DLEU7: variants seen among roughly 807,000 people sequenced by gnomAD.
DLEU7 encodes leukemia-associated protein 7.
DLEU7 carries 17 observed loss-of-function variants against 16.0 expected under a neutral mutation model. The observed-to-expected ratio is 1.06, with a 90% CI of 0.73 to 1.59. DLEU7 has a LOEUF of 1.59. DLEU7 is among the 40% of genes most tolerant of loss of function. The probability of loss-of-function intolerance (pLI) is 0.00; values close to 1 mark genes in which losing one functional copy is unlikely to be tolerated. For missense variants in DLEU7, 308 were observed against 314.9 expected, an observed-to-expected ratio of 0.98 and a Z score of 0.17; for synonymous variants, 113 against 139.8, an observed-to-expected ratio of 0.81 and a Z score of 1.35.
intron 1 of DLEU7, among the ~76,000 whole-genome samples, chr13:50,836,531 A>C (rs758877293): frequency 1.3e-5 from 2 of 152,050 alleles, no homozygotes; most frequent in South Asian, 4.2e-4. Context: ...AAAGTTAGCC[A>C]GGCGTGGTGG....
At chr13:50,806,534 A>G (rs535216113) in intron 1 of DLEU7, among the ~76,000 whole-genome samples, 3 of 152,230 alleles carry the variant, frequency 2.0e-5, no homozygotes, top group East Asian at 3.9e-4. Context: ...TATATTTTCT[A>G]TTGCCCTAAA....
chr13:50,724,318 T>C (rs1238029194), intron 1 of DLEU7, among the ~76,000 whole-genome samples: 1 of 152,180 alleles, frequency 6.6e-6, no homozygotes, highest in Non-Finnish European at 1.5e-5. Context: ...TATTAACTTA[T>C]ATTATAAAAT....
At chr13:50,778,427 A>G (rs1017272524) in intron 1 of DLEU7, among the ~76,000 whole-genome samples, 1 of 152,152 alleles carries the variant, frequency 6.6e-6, no homozygotes, top group African/African-American at 2.4e-5. Context: ...TCCATCTCTG[A>G]CTTCCTCCAT....
chr13:50,730,886 A>G (rs1024173149), intron 1 of DLEU7, among the ~76,000 whole-genome samples: 3 of 152,150 alleles, frequency 2.0e-5, no homozygotes, highest in Admixed American at 2.0e-4. Context: ...CAGGGAATCC[A>G]TGGCTGATTC....
intron 1 of DLEU7, among the ~76,000 whole-genome samples, chr13:50,748,225 A>C (rs531883175): frequency 7.1e-4 from 98 of 137,456 alleles, no homozygotes; most frequent in Non-Finnish European, 1.3e-3. Context: ...CAGACTCCTT[A>C]AACTTTTTTT....
intron 1 of DLEU7, among the ~76,000 whole-genome samples, chr13:50,747,921 C>T (rs750016532): frequency 6.6e-5 from 10 of 152,180 alleles, no homozygotes; most frequent in Non-Finnish European, 1.3e-4. Flanking sequence ...GTGACCATGG[C>T]AACTGGCATG....
At chr13:50,783,577 C>A (rs926316474) in intron 1 of DLEU7, among the ~76,000 whole-genome samples, 1 of 152,040 alleles carries the variant, frequency 6.6e-6, no homozygotes, top group Non-Finnish European at 1.5e-5. Flanking sequence ...GGGACCCAGC[C>A]GATACAACCT....
At chr13:50,801,430 T>C (rs1007947880) in intron 1 of DLEU7, among the ~76,000 whole-genome samples, 3 of 152,130 alleles carry the variant, frequency 2.0e-5, no homozygotes, top group Admixed American at 6.6e-5. Context: ...ATTTTCATTT[T>C]TGAGTATCCC....
At chr13:50,729,969 C>T (rs1873873011) in intron 1 of DLEU7, among the ~76,000 whole-genome samples, 1 of 151,680 alleles carries the variant, frequency 6.6e-6, no homozygotes, top group East Asian at 1.9e-4. Flanking sequence ...ATAAACAGTT[C>T]AATTAACACA....
chr13:50,728,362 A>G (rs906333001), intron 1 of DLEU7, among the ~76,000 whole-genome samples: 4 of 152,226 alleles, frequency 2.6e-5, no homozygotes, highest in African/African-American at 9.6e-5. Flanking sequence ...AATAGGAGTT[A>G]TGTGCAAAAG....
chr13:50,760,066 C>G (rs588427), intron 1 of DLEU7, among the ~76,000 whole-genome samples: 86,377 of 152,048 alleles, frequency 0.57, 27,058 homozygotes, highest in African/African-American at 0.84. Flanking sequence ...TTTATGCATA[C>G]AAAAGATCAT....
chr13:50,735,605 C>T (rs1481710141), intron 1 of DLEU7, among the ~76,000 whole-genome samples: 1 of 151,676 alleles, frequency 6.6e-6, no homozygotes, highest in Non-Finnish European at 1.5e-5. Context: ...ATATTATAAA[C>T]TATGCATCTA....
At chr13:50,720,767 C>T (rs1010516549) in intron 1 of DLEU7, among the ~76,000 whole-genome samples, 1 of 151,990 alleles carries the variant, frequency 6.6e-6, no homozygotes. Flanking sequence ...AAAGTAACTC[C>T]CTAAAATTAT....
chr13:50,755,754 AG>A (rs35989951), intron 1 of DLEU7, among the ~76,000 whole-genome samples: 67,054 of 149,248 alleles, frequency 0.45, 15,604 homozygotes, highest in African/African-American at 0.57. Flanking sequence ...TTTTTTTTTG[AG>A]GGGGGGGGCA....
chr13:50,751,941 T>C (rs551129315), intron 1 of DLEU7, among the ~76,000 whole-genome samples: 1 of 152,152 alleles, frequency 6.6e-6, no homozygotes, highest in Non-Finnish European at 1.5e-5. Flanking sequence ...TTTCATTTAG[T>C]TCTGCTCTGA....
At chr13:50,744,643 T>C (rs1874342838) in intron 1 of DLEU7, among the ~76,000 whole-genome samples, 1 of 152,186 alleles carries the variant, frequency 6.6e-6, no homozygotes, top group Non-Finnish European at 1.5e-5. Flanking sequence ...TTCATGGAAA[T>C]GGAGAAAATA....
downstream of DLEU7, among the ~76,000 whole-genome samples, chr13:50,821,138 G>A (rs1399351497): frequency 6.6e-6 from 1 of 152,094 alleles, no homozygotes; most frequent in Non-Finnish European, 1.5e-5. Flanking sequence ...GTATGGCTGG[G>A]TGTTTTTCTC....
intron 1 of DLEU7, among the ~76,000 whole-genome samples, chr13:50,764,505 C>T (rs182888705): frequency 3.3e-4 from 50 of 152,186 alleles, no homozygotes; most frequent in African/African-American, 9.2e-4. Flanking sequence ...CCAATGAGAA[C>T]GCAGTGAGTC....
intron 1 of DLEU7, among the ~76,000 whole-genome samples, chr13:50,744,781 A>G (rs1245843397): frequency 6.6e-6 from 1 of 152,236 alleles, no homozygotes; most frequent in Non-Finnish European, 1.5e-5. Context: ...ACATTTCTCC[A>G]AAGAAGATAT....
Sources: gnomAD v4.1 joint callset for allele counts (sites outside exome capture counted in the v4.1 genomes callset) on GRCh38, gnomAD v4.1.1 for gene constraint, MANE v1.5 for transcripts, NCBI Gene and HGNC (gene_info 2026-07-23, HGNC 2026-07-21) for gene names.